The following MYOM2 variants were observed in gnomAD, a reference collection of about 807,000 sequenced individuals.
MYOM2 encodes the protein myomesin-2.
A neutral mutation model predicts 187.6 loss-of-function variants in MYOM2; 254 were observed. That is an observed-to-expected ratio of 1.35 (90% CI 1.22 to 1.50). The LOEUF is 1.50. Among genes scored for constraint, MYOM2 ranks in the 40% most tolerant of loss-of-function variants. The pLI, the probability that MYOM2 is intolerant of heterozygous loss-of-function variation, is 0.00. For synonymous variants in MYOM2, 981 were observed against 753.8 expected, an observed-to-expected ratio of 1.30 and a Z score of -4.94; for missense variants, 2,796 against 1,924.0, an observed-to-expected ratio of 1.45 and a Z score of -8.48.
rs762867862 is a variant in MYOM2 at position 2,140,732 on chromosome 8, G to C, written c.3810G>C (p.Lys1270Asn). ...TGTTGCTCTTTTCAAGAGATGCTAA[G>C]ATCTCATCCAGTGAGCATATGAGAA... ...MKVNWCHKDA[K>N]ISSSEHMRIG... Residue 1270 changes from lysine to asparagine, a missense_variant, in exon 33 of 37, where the codon AAG becomes AAC. Physicochemically the swap from Lys to Asn is moderately conservative, Grantham distance 94. Coordinates refer to ENST00000262113, the MANE Select transcript of MYOM2 (RefSeq NM_003970.4). The C allele has an allele frequency of 1.8e-5, 29 of 1,613,734 alleles. No individual in the cohort carries two copies. The highest frequency in any genetic ancestry group is 5.0e-5 in the Admixed American group (3 of 59,926).
At position 2,144,965 on chromosome 8, in the gene MYOM2, C is replaced by T. The variant is rs1357874833; in HGVS notation, c.4382C>T (p.Ser1461Leu). The change falls in exon 37 of 37, where the codon TCA (serine) becomes TTA (leucine). Residue 1461 changes from serine to leucine, a missense_variant. Ser to Leu is a moderately radical substitution (Grantham distance 145). Coordinates refer to ENST00000262113, the MANE Select transcript of MYOM2 (RefSeq NM_003970.4). ...AKPKLIPASA[S>L]AAGQ ...CCCAAGCTCATCCCCGCGTCTGCCT[C>T]AGCGGCAGGCCAGTGAAGGCGTTTT... The T allele has an allele frequency of 6.2e-7, 1 of 1,614,062 alleles. No homozygotes were observed. Among genetic ancestry groups the T allele is most frequent in the Non-Finnish European group, 8.5e-7 (1 of 1,180,022 alleles).
chr8:2,104,183 A>G (rs1796815721), intron 21 of MYOM2, among the ~76,000 whole-genome samples: 1 of 152,176 alleles, frequency 6.6e-6, no homozygotes, highest in Non-Finnish European at 1.5e-5. Flanking sequence ...ATTTCAACGA[A>G]TAAAAGTTCC....
At chr8:2,136,730 G>A (rs1164767892) in intron 32 of MYOM2, among the ~76,000 whole-genome samples, 5 of 152,254 alleles carry the variant, frequency 3.3e-5, no homozygotes, top group Admixed American at 3.3e-4. Context: ...ATGAATGATC[G>A]CGTGAAGGTG....
intron 32 of MYOM2, among the ~76,000 whole-genome samples, chr8:2,129,719 G>A (rs1021723067): frequency 5.3e-5 from 8 of 152,110 alleles, no homozygotes; most frequent in East Asian, 1.9e-4. Flanking sequence ...TCTCTGGGTC[G>A]GTACGGATCA....
Position 2,106,543 on chromosome 8 carries a change from G to C in MYOM2, c.2944G>C (p.Val982Leu), listed in dbSNP as rs143709896. ...TAAGGAGGATTTAGGGACTTACTCC[G>C]TGTCTGTAAGTGATACAGACGGAGT... ...PDKEDLGTYS[V>L]SVSDTDGVSS... is the part of the protein sequence containing the mutation. Residue 982 changes from valine to leucine, a missense_variant, in exon 23 of 37, where the codon GTG becomes CTG. By Grantham distance (32) the Val-to-Leu change is conservative. Transcript: ENST00000262113. 24 of 1,611,918 alleles carry C rather than the reference G, an allele frequency of 1.5e-5. No homozygotes were observed. The Admixed American group carries it at 2.2e-4, about 15-fold the overall frequency.
chr8:2,066,162 T>G (rs1457369460), intron 6 of MYOM2, among the ~76,000 whole-genome samples: 2 of 152,150 alleles, frequency 1.3e-5, no homozygotes, highest in African/African-American at 2.4e-5. Context: ...CCGGGTCACA[T>G]CCCGTGAGTC....
rs376661481 is a variant in MYOM2 at position 2,096,397 on chromosome 8, A to T, written c.2276A>T (p.Glu759Val). 1.2e-6 allele frequency: 2 copies of T among 1,614,108 alleles called. No individual in the cohort carries two copies. Among genetic ancestry groups the T allele is most frequent in the African/African-American group, 1.3e-5 (1 of 74,948 alleles). ...KREVHHKNWH[E>V]VNSSPSKPTI... ...GAAGTTCACCATAAAAACTGGCACG[A>T]GGTCAATTCCTCACCCAGCAAACCG... Residue 759 changes from glutamate (E) to valine (V), a missense_variant, in exon 18 of 37, where the codon GAG (glutamate) becomes GTG (valine). Transcript: ENST00000262113.
rs1819813772 is a variant in MYOM2 at position 2,085,518 on chromosome 8, CCCCA to C, written c.1644+130_1644+133del. On this transcript the variant is annotated intron_variant, in intron 14 of 36. Transcript: ENST00000262113. ...TCACTGTTGTGATCTCCGCGTGGCC[CCCCA>C]CTGTTGTGATCTCTGCGTGGCCCCA... 2.2e-4 allele frequency: 134 copies of C among 620,232 alleles called. 12 individuals carry two copies. Among genetic ancestry groups the C allele is most frequent in the African/African-American group, 1.4e-3 (44 of 31,836 alleles). 38.4% of individuals were successfully genotyped at this position (620,232 alleles called of 1,614,324 possible). A position where few individuals can be genotyped will look rare whatever the true frequency, so the allele number is the denominator to read the frequency against.
chr8:2,129,280 C>T (rs758102064), intron 32 of MYOM2, 48 bp downstream of exon 32: 3 of 1,319,776 alleles, frequency 2.3e-6, no homozygotes, highest in African/African-American at 2.9e-5. Context: ...ATGGGGCTGT[C>T]CAGGGCGCAC....
At chr8:2,055,031 T>TG (rs539818407) in intron 3 of MYOM2, among the ~76,000 whole-genome samples, 437 of 36,842 alleles carry the variant, frequency 0.012, no homozygotes, top group East Asian at 0.032. Context: ...ACCTGGATAC[T>TG]GGGGAACCAA....
intron 32 of MYOM2, among the ~76,000 whole-genome samples, chr8:2,133,207 G>T (rs913111425): frequency 3.9e-5 from 6 of 152,196 alleles, no homozygotes; most frequent in Admixed American, 2.0e-4. Flanking sequence ...GTCCCATCTT[G>T]TGGGGCTCTT....
At chr8:2,055,505 G>A (rs563513665) in intron 3 of MYOM2, among the ~76,000 whole-genome samples, 3 of 152,024 alleles carry the variant, frequency 2.0e-5, no homozygotes, top group Non-Finnish European at 2.9e-5. Flanking sequence ...AAGGCTGTGT[G>A]TGTGGTCGGA....
At chr8:2,089,950 A>C (rs1286674557) in intron 14 of MYOM2, 58 bp from the exon 15 acceptor site, 2 of 1,542,784 alleles carry the variant, frequency 1.3e-6, no homozygotes, top group Admixed American at 1.8e-5. Flanking sequence ...CCTCCTCCAC[A>C]CGCCTCTGGG....
chr8:2,106,945 C>G (rs1796913545), intron 23 of MYOM2, among the ~76,000 whole-genome samples: 1 of 152,144 alleles, frequency 6.6e-6, no homozygotes, highest in Non-Finnish European at 1.5e-5. Context: ...GTGGAAGAGT[C>G]TTCCCTTCCT....
intron 31 of MYOM2, among the ~76,000 whole-genome samples, chr8:2,126,416 C>T (rs1433193517): frequency 6.8e-6 from 1 of 146,356 alleles, no homozygotes; most frequent in African/African-American, 2.5e-5. Context: ...CACGATTTCC[C>T]ACTCAGACAT....
At chr8:2,048,600 C>T (rs1035609159) in intron 1 of MYOM2, among the ~76,000 whole-genome samples, 5 of 152,042 alleles carry the variant, frequency 3.3e-5, no homozygotes, top group Admixed American at 6.5e-5. Flanking sequence ...CAATATGGAA[C>T]GCCAGAGCTA....
Position 2,145,084 on chromosome 8 carries a change from T to A in MYOM2, c.*103T>A. The A allele has an allele frequency of 7.1e-6, 9 of 1,272,544 alleles. No individual in the cohort carries two copies. Among genetic ancestry groups the A allele is most frequent in the Non-Finnish European group, 9.9e-6 (9 of 910,686 alleles). The allele number at this position is 1,272,544 out of a possible 1,614,324, so 78.8% of individuals were successfully genotyped here. On this transcript the variant is annotated 3_prime_UTR_variant, in exon 37 of 37. Coordinates refer to ENST00000262113, the MANE Select transcript of MYOM2 (RefSeq NM_003970.4). ...GCTGGCATCCGAGTGGTGTCCTGTG[T>A]GGGCTGATAGTTGATCACACATTGT...
At chr8:2,065,893 C>G (rs1819003469) in intron 6 of MYOM2, among the ~76,000 whole-genome samples, 1 of 152,184 alleles carries the variant, frequency 6.6e-6, no homozygotes, top group South Asian at 2.1e-4. Flanking sequence ...TTAAAAACGG[C>G]TAAAACACAC....
chr8:2,045,854 G>T (rs1818294840), intron 1 of MYOM2, among the ~76,000 whole-genome samples: 1 of 152,240 alleles, frequency 6.6e-6, no homozygotes, highest in African/African-American at 2.4e-5. Flanking sequence ...GGGCTGGGTG[G>T]TTGCACGTGG....
Sources: gnomAD v4.1 joint callset for allele counts (sites outside exome capture counted in the v4.1 genomes callset) on GRCh38, gnomAD v4.1.1 for gene constraint, MANE v1.5 for transcripts, NCBI Gene and HGNC (gene_info 2026-07-23, HGNC 2026-07-21) for gene names.